The following SUSD1 variants were observed in gnomAD, a reference collection of about 807,000 sequenced individuals.
The protein encoded by SUSD1 is sushi domain-containing protein 1.
SUSD1 carries 65 observed loss-of-function variants against 86.9 expected under a neutral mutation model. That is an observed-to-expected ratio of 0.75 (90% confidence interval 0.61 to 0.92). SUSD1 has a LOEUF of 0.92. Ranked by LOEUF, SUSD1 falls within the 40% of genes least tolerant of loss-of-function variation. SUSD1 has a pLI of 0.00. For synonymous variants in SUSD1, 346 were observed against 350.0 expected (o/e 0.99, Z 0.13); for missense variants, 850 against 929.7 (o/e 0.91, Z 1.11).
chr9:112,122,907 G>A (rs1391704374), intron 6 of SUSD1, among the ~76,000 whole-genome samples: 2 of 152,204 alleles, frequency 1.3e-5, no homozygotes, highest in Admixed American at 6.5e-5. Context: ...CTACAGTAGT[G>A]AAATTCACAA....
At chr9:112,045,864 T>G (rs566427792) in intron 15 of SUSD1, among the ~76,000 whole-genome samples, 1 of 152,358 alleles carries the variant, frequency 6.6e-6, no homozygotes, top group East Asian at 1.9e-4. Flanking sequence ...GTTGGAAGAC[T>G]TGAACCTATG....
chr9:112,175,084 C>A lies in SUSD1; in HGVS notation c.103+49G>T. 1.0e-6 allele frequency: 1 copy of A among 1,001,694 alleles called. No homozygotes were observed. The highest frequency in any genetic ancestry group is 4.6e-5 in the South Asian group (1 of 21,938). 62.1% of individuals were successfully genotyped at this position (1,001,694 alleles called of 1,614,324 possible). ...CCGTGCGCCCAGAGTCCTCGAGGCC[C>A]AGCCGGGGGCCCCGCCGGCCGCCCG... On this transcript the variant is annotated intron_variant, in intron 1 of 16. Coordinates refer to ENST00000374270, the MANE Select transcript of SUSD1 (RefSeq NM_022486.5). The surrounding 1 kb of genome is among the most constrained non-coding windows in gnomAD (Gnocchi z 4.7).
chr9:112,091,541 T>C (rs1023682104), intron 10 of SUSD1, among the ~76,000 whole-genome samples: 40 of 152,338 alleles, frequency 2.6e-4, no homozygotes, highest in African/African-American at 9.4e-4. Context: ...TGCAATCTTC[T>C]GCTAAAAAGA....
chr9:112,112,949 A>C (rs1213698258), intron 6 of SUSD1, 81 bp from the exon 7 acceptor site: 2 of 802,562 alleles, frequency 2.5e-6, no homozygotes, highest in Non-Finnish European at 4.3e-6. Context: ...GTCTCTCTGC[A>C]TAGCTGGTAT....
chr9:112,086,839 AAAC>A (rs1295890242), intron 10 of SUSD1, among the ~76,000 whole-genome samples: 1,878 of 149,696 alleles, frequency 0.013, 43 homozygotes, highest in African/African-American at 0.045. Flanking sequence ...ACAAACAAAC[AAAC>A]AAAAAAAACC....
rs1252076678 is a variant in SUSD1, at chr9:112,138,244, TATATATATATATGTGTATATAC to T, written c.706+4054_706+4075del. On this transcript the variant is annotated intron_variant, in intron 5 of 16. Coordinates refer to ENST00000374270, the MANE Select transcript of SUSD1 (RefSeq NM_022486.5). ...ATCTCAAAAAAAAAATGTGTATATA[TATATATATATATGTGTATATAC>T]ATATATATATATATGAAGTCCAGGA... Among the ~76,000 whole-genome samples, 9 of 98,276 alleles carry T rather than the reference TATATATATATATGTGTATATAC, an allele frequency of 9.2e-5. 1 individual carries two copies. Among genetic ancestry groups the T allele is most frequent in the Admixed American group, 4.4e-4 (4 of 9,114 alleles). The allele number at this position is 98,276 out of a possible 152,430, so 64.5% of individuals were successfully genotyped here.
chr9:112,118,422 G>C (rs1359573471), intron 6 of SUSD1, among the ~76,000 whole-genome samples: 1 of 152,198 alleles, frequency 6.6e-6, no homozygotes, highest in Non-Finnish European at 1.5e-5. Context: ...GAGTAGCATG[G>C]CTTAGAGTAC....
intron 7 of SUSD1, 150 bp from the exon 8 acceptor site, chr9:112,111,990 A>AGACTTTATCAGC: frequency 2.8e-6 from 2 of 719,990 alleles, no homozygotes; most frequent in Non-Finnish European, 4.5e-6. Flanking sequence ...TCTGCTGATA[A>AGACTTTATCAGC]AGTCTGATCA....
rs542518159 is a variant in SUSD1 at position 112,143,497 on chromosome 9, G to A, written c.500C>T (p.Pro167Leu). The change falls in exon 4 of 17, where the codon CCG (proline) becomes CTG (leucine). Residue 167 changes from proline (P) to leucine (L), a missense_variant. Pro to Leu is a moderately conservative substitution (Grantham distance 98). Coordinates refer to ENST00000374270, the MANE Select transcript of SUSD1 (RefSeq NM_022486.5). Reference sequence around the variant, plus strand: ...TGTGCATGATGTGGCATCGGTGGTCGGGTGGAAAGGTTCAGGTCCATTCCT... The same window carrying A: ...TGTGCATGATGTGGCATCGGTGGTCAGGTGGAAAGGTTCAGGTCCATTCCT... The part of the protein sequence containing the change: ...LPRNGPEPFH[P>L]TTDATSCTEI... 1.3e-5 allele frequency: 21 copies of A among 1,613,762 alleles called. No individual in the cohort carries two copies. Among genetic ancestry groups the A allele is most frequent in the Middle Eastern group, 1.6e-4 (1 of 6,062 alleles).
intron 15 of SUSD1, 161 bp from the exon 16 acceptor site, chr9:112,042,121 C>T: frequency 3.2e-6 from 5 of 1,540,946 alleles, no homozygotes; most frequent in Middle Eastern, 1.7e-4. Flanking sequence ...CCTGAGTTGG[C>T]CCTGTGGATA....
At position 112,111,725 on chromosome 9, in the gene SUSD1, T is replaced by C; in HGVS notation, c.1100A>G (p.Asn367Ser). 2 of 1,614,146 alleles carry C rather than the reference T, an allele frequency of 1.2e-6. No individual in the cohort carries two copies. The highest frequency in any genetic ancestry group is 1.1e-5 in the South Asian group (1 of 91,078). Residue 367 changes from asparagine (N) to serine (S), a missense_variant, in exon 8 of 17, where the codon AAC becomes AGC. Asn to Ser is a conservative substitution (Grantham distance 46). Coordinates refer to ENST00000374270, the MANE Select transcript of SUSD1 (RefSeq NM_022486.5). Reference sequence around the variant, plus strand: ...TGCTGTGGAGATGTTCACGGTGTAGTTGGTGCCTGGGTACAGGGCTAGGCA... The same window carrying C: ...TGCTGTGGAGATGTTCACGGTGTAGCTGGTGCCTGGGTACAGGGCTAGGCA... ...EVCLALYPGT[N>S]YTVNISTAPP...
At chr9:112,044,280 A>C (rs886315362) in intron 15 of SUSD1, among the ~76,000 whole-genome samples, 3 of 152,238 alleles carry the variant, frequency 2.0e-5, no homozygotes, top group African/African-American at 7.2e-5. Context: ...ATACTTTCAA[A>C]GTTTGAATAC....
intron 6 of SUSD1, among the ~76,000 whole-genome samples, chr9:112,118,470 T>C (rs1831417630): frequency 6.6e-6 from 1 of 152,218 alleles, no homozygotes; most frequent in Non-Finnish European, 1.5e-5. Context: ...GGGATGATTT[T>C]TGGTGGCACG....
intron 5 of SUSD1, among the ~76,000 whole-genome samples, chr9:112,131,607 G>C (rs1257392814): frequency 2.6e-5 from 4 of 152,114 alleles, no homozygotes; most frequent in African/African-American, 9.7e-5. Context: ...CAATCCAACA[G>C]AGGCCACAGT....
At chr9:112,061,692 A>C (rs1183595868) in intron 13 of SUSD1, among the ~76,000 whole-genome samples, 4 of 152,230 alleles carry the variant, frequency 2.6e-5, no homozygotes, top group South Asian at 2.1e-4. Flanking sequence ...CCCTGGAAAG[A>C]TCTTTGCACA....
chr9:112,163,087 T>C lies in SUSD1; in HGVS notation c.104-5474A>G, dbSNP rs577575662. On this transcript the variant is annotated intron_variant, in intron 1 of 16. Coordinates refer to ENST00000374270, the MANE Select transcript of SUSD1 (RefSeq NM_022486.5). The stretch of plus-strand genomic sequence containing the variant: ...GCAAATTTTTTAGATTTTTTTCTTA[T>C]ATAAAATACTTGTCTAGGGCAAGGT... Among the ~76,000 whole-genome samples the C allele has an allele frequency of 7.9e-5, 12 of 152,290 alleles. No homozygotes were observed. The East Asian group carries it at 2.1e-3, about 27-fold the overall frequency.
intron 1 of SUSD1, among the ~76,000 whole-genome samples, chr9:112,170,933 G>A (rs553747571): frequency 3.9e-5 from 6 of 152,070 alleles, no homozygotes; most frequent in East Asian, 3.9e-4. Context: ...AGCTGGTCTC[G>A]AACTCCTGAC....
intron 11 of SUSD1, 80 bp from the exon 12 acceptor site, chr9:112,078,804 T>C: frequency 2.5e-6 from 3 of 1,206,064 alleles, no homozygotes; most frequent in Non-Finnish European, 3.4e-6. Context: ...TTTTCCTTTT[T>C]CTTTCTCTTT....
At chr9:112,140,733 C>A (rs1475025914) in intron 5 of SUSD1, among the ~76,000 whole-genome samples, 1 of 152,170 alleles carries the variant, frequency 6.6e-6, no homozygotes, top group Non-Finnish European at 1.5e-5. Flanking sequence ...AGTCATGCAT[C>A]ATTTAACAAT....
Sources: gnomAD v4.1 joint callset for allele counts (sites outside exome capture counted in the v4.1 genomes callset) on GRCh38, gnomAD v4.1.1 for gene constraint, Gnocchi (gnomAD v3.1) non-coding constraint, MANE v1.5 for transcripts, NCBI Gene and HGNC (gene_info 2026-07-23, HGNC 2026-07-21) for gene names.